NIPAL2: variants seen among roughly 807,000 people sequenced by gnomAD.
The protein encoded by NIPAL2 is NIPA like domain containing 2.
NIPAL2 carries 43 observed loss-of-function variants against 48.9 expected under a neutral mutation model. The ratio of observed to expected loss-of-function variants is 0.88; its 90% CI spans 0.69 to 1.13. The LOEUF is 1.13. Among genes scored for constraint, NIPAL2 ranks in the 50% most tolerant of loss-of-function variants. The pLI, the probability that NIPAL2 is intolerant of heterozygous loss-of-function variation, is 0.00. For missense variants in NIPAL2, 446 were observed against 461.4 expected, an observed-to-expected ratio of 0.97 and a Z score of 0.31; for synonymous variants, 167 against 174.6, an observed-to-expected ratio of 0.96 and a Z score of 0.34.
intron 9 of NIPAL2, among the ~76,000 whole-genome samples, chr8:98,195,329 T>G (rs1368590041): frequency 6.6e-6 from 1 of 152,156 alleles, no homozygotes; most frequent in Non-Finnish European, 1.5e-5. Context: ...ATGATCATGC[T>G]GACTACTAGA....
intron 1 of NIPAL2, among the ~76,000 whole-genome samples, chr8:98,291,676 T>C (rs1336950447): frequency 1.3e-5 from 2 of 152,218 alleles, no homozygotes; most frequent in Admixed American, 1.3e-4. Flanking sequence ...CCTTCTCTAC[T>C]GAAAACTTGT....
chr8:98,206,776 CA>C (rs11290720), intron 6 of NIPAL2, among the ~76,000 whole-genome samples: 40,562 of 99,246 alleles, frequency 0.41, 5,298 homozygotes, highest in South Asian at 0.53. Context: ...GACTCTGTCT[CA>C]AAAAAAAAAA....
At chr8:98,254,871 T>G (rs1358901078) in intron 1 of NIPAL2, among the ~76,000 whole-genome samples, 1 of 152,204 alleles carries the variant, frequency 6.6e-6, no homozygotes, top group African/African-American at 2.4e-5. Context: ...TGCCTCTCAC[T>G]CACTCCAACC....
intron 1 of NIPAL2, among the ~76,000 whole-genome samples, chr8:98,293,072 T>C (rs1468466853): frequency 6.6e-6 from 1 of 152,258 alleles, no homozygotes; most frequent in East Asian, 1.9e-4. Context: ...AATTAATATT[T>C]AGAACACTTC....
chr8:98,290,053 A>T (rs1490767462), intron 1 of NIPAL2, among the ~76,000 whole-genome samples: 3 of 152,214 alleles, frequency 2.0e-5, no homozygotes, highest in African/African-American at 4.8e-5. Flanking sequence ...GGCATGGAAT[A>T]AAAGTAGTTT....
chr8:98,274,232 A>G (rs1351949329), intron 1 of NIPAL2, among the ~76,000 whole-genome samples: 1 of 151,850 alleles, frequency 6.6e-6, no homozygotes, highest in Non-Finnish European at 1.5e-5. Flanking sequence ...CATTATATAT[A>G]TATTCTACAT....
intron 5 of NIPAL2, among the ~76,000 whole-genome samples, chr8:98,221,783 C>T (rs1336471848): frequency 1.3e-5 from 2 of 152,134 alleles, no homozygotes; most frequent in Non-Finnish European, 1.5e-5. Flanking sequence ...ATTAAAAAGT[C>T]AGGAAACAAC....
At chr8:98,265,343 CA>C (rs1814648831) in intron 1 of NIPAL2, among the ~76,000 whole-genome samples, 1 of 145,730 alleles carries the variant, frequency 6.9e-6, no homozygotes, top group African/African-American at 2.6e-5. Context: ...AGTGAACAGG[CA>C]ACCTACAGAA....
At chr8:98,193,434 A>G (rs769701929) in intron 10 of NIPAL2, 2 of 1,613,432 alleles carry the variant, frequency 1.2e-6, no homozygotes, top group African/African-American at 1.3e-5. Flanking sequence ...CGTCGAATGC[A>G]TATAACAACA....
At chr8:98,193,123 AG>A in intron 10 of NIPAL2, 33 bp from the exon 11 acceptor site, 8 of 1,520,918 alleles carry the variant, frequency 5.3e-6, no homozygotes, top group Non-Finnish European at 7.3e-6. Context: ...GAATCTTTTG[AG>A]GTCTTACAGA....
chr8:98,270,470 C>G (rs1815062535), intron 1 of NIPAL2, among the ~76,000 whole-genome samples: 1 of 152,046 alleles, frequency 6.6e-6, no homozygotes, highest in South Asian at 2.1e-4. Context: ...TTGTTAGCCA[C>G]TTGAATGTCT....
intron 5 of NIPAL2, among the ~76,000 whole-genome samples, chr8:98,218,966 G>A (rs974048433): frequency 6.6e-6 from 1 of 152,132 alleles, no homozygotes; most frequent in African/African-American, 2.4e-5. Context: ...AACAAGAGAT[G>A]GTGGAAGCCT....
At chr8:98,271,315 T>C (rs936335050) in intron 1 of NIPAL2, among the ~76,000 whole-genome samples, 2 of 152,222 alleles carry the variant, frequency 1.3e-5, no homozygotes, top group African/African-American at 4.8e-5. Flanking sequence ...ATGTTGATTC[T>C]TCCAATCCAT....
At chr8:98,220,097 G>A (rs1811777524) in intron 5 of NIPAL2, among the ~76,000 whole-genome samples, 1 of 152,006 alleles carries the variant, frequency 6.6e-6, no homozygotes, top group Non-Finnish European at 1.5e-5. Context: ...AGAGAAAGGA[G>A]TAGAAAAGGA....
chr8:98,262,834 A>G (rs1189725283), intron 1 of NIPAL2, among the ~76,000 whole-genome samples: 1 of 152,202 alleles, frequency 6.6e-6, no homozygotes, highest in African/African-American at 2.4e-5. Context: ...CATTTTTTTC[A>G]GCACCGCACC....
intron 5 of NIPAL2, among the ~76,000 whole-genome samples, chr8:98,219,398 G>C (rs974332619): frequency 6.6e-6 from 1 of 152,134 alleles, no homozygotes; most frequent in Non-Finnish European, 1.5e-5. Flanking sequence ...TCAAGAGCCT[G>C]GCATGGATTA....
intron 9 of NIPAL2, 122 bp from the exon 10 acceptor site, chr8:98,194,944 C>T (rs1810476215): frequency 3.8e-6 from 2 of 524,498 alleles, no homozygotes; most frequent in Non-Finnish European, 6.4e-6. Flanking sequence ...TCCAGTTTCT[C>T]ATGGTAAGCT....
intron 6 of NIPAL2, among the ~76,000 whole-genome samples, chr8:98,207,703 C>A (rs1811107091): frequency 6.6e-6 from 1 of 152,108 alleles, no homozygotes; most frequent in African/African-American, 2.4e-5. Context: ...CACCTCAAAT[C>A]ATTTTTGACA....
chr8:98,206,590 TCC>T (rs1446053234), intron 6 of NIPAL2, among the ~76,000 whole-genome samples: 7 of 151,816 alleles, frequency 4.6e-5, no homozygotes, highest in South Asian at 4.2e-4. Context: ...ATCGAGACCA[TCC>T]CCTGGCTAGC....
Sources: gnomAD v4.1 joint callset for allele counts (sites outside exome capture counted in the v4.1 genomes callset) on GRCh38, gnomAD v4.1.1 for gene constraint, MANE v1.5 for transcripts, NCBI Gene and HGNC (gene_info 2026-07-23, HGNC 2026-07-21) for gene names.